CMTM8: variants seen among roughly 807,000 people sequenced by gnomAD.
CMTM8 encodes CKLF-like MARVEL transmembrane domain-containing protein 8.
CMTM8 carries 12 observed loss-of-function variants against 18.6 expected under a neutral mutation model. The observed-to-expected ratio is 0.65, with a 90% CI of 0.41 to 1.05. CMTM8 has a LOEUF of 1.05. CMTM8 is among the 50% of genes least tolerant of loss of function. CMTM8 has a pLI of 0.00. For missense variants in CMTM8, 217 were observed against 227.2 expected (o/e 0.95, Z 0.29); for synonymous variants, 87 against 90.6 (o/e 0.96, Z 0.23).
chr3:32,326,378 A>G (rs1209719103), intron 1 of CMTM8, among the ~76,000 whole-genome samples: 1 of 151,924 alleles, frequency 6.6e-6, no homozygotes, highest in African/African-American at 2.4e-5. Flanking sequence ...CTCCCTCTAT[A>G]TCTCACATTA....
intron 1 of CMTM8, among the ~76,000 whole-genome samples, chr3:32,299,567 A>T (rs1695571485): frequency 1.3e-5 from 2 of 152,226 alleles, no homozygotes; most frequent in Non-Finnish European, 2.9e-5. Flanking sequence ...GTGCGTAATA[A>T]TCACATCTTG....
chr3:32,276,373 T>C (rs538652305), intron 1 of CMTM8, among the ~76,000 whole-genome samples: 3 of 152,194 alleles, frequency 2.0e-5, no homozygotes, highest in Non-Finnish European at 4.4e-5. Context: ...GTAACATGAT[T>C]GTTTTTATTC....
At chr3:32,301,780 G>A (rs963528294) in intron 1 of CMTM8, among the ~76,000 whole-genome samples, 2 of 151,996 alleles carry the variant, frequency 1.3e-5, no homozygotes, top group Non-Finnish European at 2.9e-5. Context: ...GGGCATTGGT[G>A]TGAAAAGGCA....
At chr3:32,253,812 A>G (rs1702143789) in intron 1 of CMTM8, among the ~76,000 whole-genome samples, 1 of 152,122 alleles carries the variant, frequency 6.6e-6, no homozygotes, top group Non-Finnish European at 1.5e-5. Context: ...TAATGACCTC[A>G]GACAATCCTC....
intron 1 of CMTM8, among the ~76,000 whole-genome samples, chr3:32,306,715 TG>T (rs1695723645): frequency 6.6e-6 from 1 of 152,202 alleles, no homozygotes; most frequent in Non-Finnish European, 1.5e-5. Flanking sequence ...ACTTCCTTGT[TG>T]AGAAGTTGGG....
chr3:32,337,602 G>A (rs182265233), intron 1 of CMTM8, among the ~76,000 whole-genome samples: 7 of 152,322 alleles, frequency 4.6e-5, no homozygotes, highest in Admixed American at 1.3e-4. Flanking sequence ...AATCCCTGGT[G>A]TGTGGAGCAG....
intron 1 of CMTM8, among the ~76,000 whole-genome samples, chr3:32,267,342 A>C (rs1453152288): frequency 6.6e-5 from 10 of 152,296 alleles, no homozygotes; most frequent in South Asian, 2.1e-4. Flanking sequence ...CAAAAACAAG[A>C]AATGGGGAAA....
chr3:32,279,019 G>C (rs1471220405), intron 1 of CMTM8, among the ~76,000 whole-genome samples: 3 of 152,110 alleles, frequency 2.0e-5, no homozygotes, highest in Admixed American at 1.3e-4. Context: ...GCTGGAACCA[G>C]GAGTTCAATA....
intron 1 of CMTM8, among the ~76,000 whole-genome samples, chr3:32,293,376 C>G (rs889837969): frequency 1.3e-5 from 2 of 152,098 alleles, no homozygotes; most frequent in Non-Finnish European, 2.9e-5. Context: ...CATGGCGAAA[C>G]CCCATCTCTA....
rs146488129 is a variant in CMTM8, at chr3:32,357,390, A to G, written c.165A>G (p.Val55=). The change falls in exon 2 of 4, where the codon GTA becomes GTG. Residue 55 remains valine (V), a synonymous_variant. Transcript: ENST00000307526. ...CTTTACAGGTTCTGGGGCTGCTGGT[A>G]TGGACGCTTATTGCTGGAACTGAGT... ...IVAEIVLGLL[V]WTLIAGTEYF... 6 of 1,613,282 alleles carry G rather than the reference A, an allele frequency of 3.7e-6. No individual in the cohort carries two copies. The highest frequency in any genetic ancestry group is 5.1e-6 in the Non-Finnish European group (6 of 1,179,898).
chr3:32,346,371 T>C (rs1302151422), intron 1 of CMTM8, among the ~76,000 whole-genome samples: 1 of 152,228 alleles, frequency 6.6e-6, no homozygotes, highest in Non-Finnish European at 1.5e-5. Context: ...TGTTAACTAG[T>C]CACTTCTTGT....
chr3:32,331,108 C>A (rs1490999472), intron 1 of CMTM8, among the ~76,000 whole-genome samples: 1 of 152,178 alleles, frequency 6.6e-6, no homozygotes, highest in Non-Finnish European at 1.5e-5. Context: ...AGAACTCCTA[C>A]AACTCAACAA....
intron 1 of CMTM8, among the ~76,000 whole-genome samples, chr3:32,308,799 G>A (rs938144240): frequency 3.9e-5 from 6 of 152,150 alleles, no homozygotes; most frequent in African/African-American, 1.4e-4. Context: ...TTATCCATTA[G>A]ATCCTATGGT....
At chr3:32,345,473 G>T (rs1696580390) in intron 1 of CMTM8, among the ~76,000 whole-genome samples, 1 of 152,152 alleles carries the variant, frequency 6.6e-6, no homozygotes, top group Admixed American at 6.5e-5. Context: ...TTTGATGTTT[G>T]TGATGACGCT....
intron 1 of CMTM8, among the ~76,000 whole-genome samples, chr3:32,329,409 C>G (rs75286878): frequency 6.6e-6 from 1 of 152,070 alleles, no homozygotes; most frequent in Non-Finnish European, 1.5e-5. Flanking sequence ...CCAAATTCAA[C>G]GTAGTAAAAG....
chr3:32,344,912 C>T (rs1311203784), intron 1 of CMTM8, among the ~76,000 whole-genome samples: 3 of 152,140 alleles, frequency 2.0e-5, no homozygotes, highest in African/African-American at 7.2e-5. Flanking sequence ...AAAAACCTGA[C>T]ATTTGTTTTC....
At chr3:32,319,072 A>ATTTTTTT (rs1559378745) in intron 1 of CMTM8, among the ~76,000 whole-genome samples, 15 of 24,404 alleles carry the variant, frequency 6.1e-4, no homozygotes, top group Admixed American at 3.2e-3. Context: ...ATATATATAT[A>ATTTTTTT]TATTTTTTTT....
chr3:32,367,769 G>A, intron 2 of CMTM8, 103 bp from the exon 3 acceptor site: 1 of 694,948 alleles, frequency 1.4e-6, no homozygotes, highest in South Asian at 1.8e-5. Flanking sequence ...GTGTCCACTT[G>A]GGCCCCTCCC....
At chr3:32,262,625 C>A (rs1702273216) in intron 1 of CMTM8, among the ~76,000 whole-genome samples, 1 of 152,184 alleles carries the variant, frequency 6.6e-6, no homozygotes, top group Non-Finnish European at 1.5e-5. Flanking sequence ...TACAACTGAC[C>A]TGATACTTCC....
Sources: gnomAD v4.1 joint callset for allele counts (sites outside exome capture counted in the v4.1 genomes callset) on GRCh38, gnomAD v4.1.1 for gene constraint, MANE v1.5 for transcripts, NCBI Gene and HGNC (gene_info 2026-07-23, HGNC 2026-07-21) for gene names.